The following ZKSCAN8 variants were observed in gnomAD, a reference collection of about 807,000 sequenced individuals.
ZKSCAN8 encodes the protein zinc finger with KRAB and SCAN domains 8.
ZKSCAN8 carries 27 observed loss-of-function variants against 57.2 expected under a neutral mutation model. The ratio of observed to expected loss-of-function variants is 0.47; its 90% CI spans 0.35 to 0.65. The LOEUF is 0.65. Among genes scored for constraint, ZKSCAN8 ranks in the 30% least tolerant of loss-of-function variants. The probability of loss-of-function intolerance (pLI) is 0.01; values close to 1 mark genes in which losing one functional copy is unlikely to be tolerated. For synonymous variants in ZKSCAN8, 214 were observed against 248.7 expected (o/e 0.86, Z 1.31); for missense variants, 597 against 696.3 (o/e 0.86, Z 1.60).
Position 28,154,208 on chromosome 6 carries a change from C to CT in ZKSCAN8, c.*192dup. The CT allele has an allele frequency of 1.4e-6, 1 of 719,000 alleles. No homozygotes were observed. The highest frequency in any genetic ancestry group is 2.2e-6 in the Non-Finnish European group (1 of 460,964). 44.5% of individuals were successfully genotyped at this position (719,000 alleles called of 1,614,324 possible). On this transcript the variant is annotated 3_prime_UTR_variant, in exon 6 of 6. Coordinates refer to ENST00000330236, the MANE Select transcript of ZKSCAN8 (RefSeq NM_006298.4). The stretch of plus-strand genomic sequence containing the variant: ...CCTTGGTGAAGGTTGATTAGCTTGA[C>CT]TGTCTTTGAAAGTATCTGATGGAGC...
chr6:28,150,502 T>TA (rs1380344177), intron 3 of ZKSCAN8, among the ~76,000 whole-genome samples: 1 of 152,184 alleles, frequency 6.6e-6, no homozygotes, highest in Non-Finnish European at 1.5e-5. Flanking sequence ...ATTGTATAGT[T>TA]ACTATTTTTC....
rs199801052 is a variant in ZKSCAN8, at chr6:28,151,908, C to G, written c.623C>G (p.Thr208Arg). The G allele has an allele frequency of 6.2e-7, 1 of 1,614,162 alleles. No homozygotes were observed. Among genetic ancestry groups the G allele is most frequent in the African/African-American group, 1.3e-5 (1 of 75,050 alleles). ...QKGSSGDQEM[T>R]ATLLTAGFQT... Reference sequence around the variant, plus strand: ...GGAAGTTCTGGAGACCAGGAAATGACAGCTACACTTCTCACAGCAGGGTTC... The same window carrying G: ...GGAAGTTCTGGAGACCAGGAAATGAGAGCTACACTTCTCACAGCAGGGTTC... The change falls in exon 4 of 6, where the codon ACA (threonine) becomes AGA (arginine). Residue 208 changes from threonine to arginine, a missense_variant. By Grantham distance (71) the Thr-to-Arg change is moderately conservative. Coordinates refer to ENST00000330236, the MANE Select transcript of ZKSCAN8 (RefSeq NM_006298.4).
chr6:28,143,013 T>C (rs1350362290), intron 1 of ZKSCAN8, among the ~76,000 whole-genome samples: 1 of 152,206 alleles, frequency 6.6e-6, no homozygotes, highest in Non-Finnish European at 1.5e-5. Context: ...GAAAAAATAA[T>C]ACTGTTAAAA....
chr6:28,153,013 T>A, intron 5 of ZKSCAN8, 43 bp from the exon 6 acceptor site: 2 of 1,601,644 alleles, frequency 1.2e-6, no homozygotes, highest in Non-Finnish European at 1.7e-6. Context: ...AAGAATAGGT[T>A]GTGACATTGG....
intron 1 of ZKSCAN8, among the ~76,000 whole-genome samples, chr6:28,147,850 T>G (rs1465444921): frequency 6.6e-6 from 1 of 152,212 alleles, no homozygotes; most frequent in Non-Finnish European, 1.5e-5. Context: ...AGCAAAGTGT[T>G]AGGAAAGTTT....
At chr6:28,145,064 A>C (rs9357064) in intron 1 of ZKSCAN8, among the ~76,000 whole-genome samples, 8,373 of 152,262 alleles carry the variant, frequency 0.055, 301 homozygotes, top group East Asian at 0.12. Context: ...CTCAAACAAA[A>C]AAAAAAAGAG....
In ZKSCAN8 at chr6:28,157,575, T is replaced by A. The variant is rs1765824348; in HGVS notation, c.*3558T>A. 6.6e-6 allele frequency: 1 copy of A among 152,124 alleles called. No homozygotes were observed. Among genetic ancestry groups the A allele is most frequent in the African/African-American group, 2.4e-5 (1 of 41,416 alleles). 9.4% of individuals were successfully genotyped at this position (152,124 alleles called of 1,614,324 possible). ...GTAATTCTAACCAGCTTTTTAAAAA[T>A]ATGTAGCGCTTGTCATGAGAGGTAC... On this transcript the variant is annotated 3_prime_UTR_variant, in exon 6 of 6. Coordinates refer to ENST00000330236, the MANE Select transcript of ZKSCAN8 (RefSeq NM_006298.4).
intron 1 of ZKSCAN8, 53 bp from the exon 2 acceptor site, chr6:28,148,263 T>C: frequency 2.5e-6 from 2 of 806,506 alleles, no homozygotes; most frequent in East Asian, 5.4e-5. Flanking sequence ...ATACCATAGT[T>C]AGTTACAATG....
At position 28,159,273 on chromosome 6, in the gene ZKSCAN8, A is replaced by G. The variant is rs945438381; in HGVS notation, c.*5256A>G. 4.6e-5 allele frequency: 7 copies of G among 152,314 alleles called. 1 individual carries two copies. Among genetic ancestry groups the G allele is most frequent in the Admixed American group, 4.6e-4 (7 of 15,290 alleles). 9.4% of individuals were successfully genotyped at this position (152,314 alleles called of 1,614,324 possible). ...TGTACTGTGGTCCATGTACTTACTAATATGTTGCTTTGTAATTATTTTCTA... is the reference window on the plus strand; with the variant it reads ...TGTACTGTGGTCCATGTACTTACTAGTATGTTGCTTTGTAATTATTTTCTA... On this transcript the variant is annotated 3_prime_UTR_variant, in exon 6 of 6. Transcript: ENST00000330236.
chr6:28,158,441 A>G lies in ZKSCAN8; in HGVS notation c.*4424A>G, dbSNP rs1057397096. The G allele has an allele frequency of 6.6e-6, 1 of 152,190 alleles. No homozygotes were observed. The highest frequency in any genetic ancestry group is 1.5e-5 in the Non-Finnish European group (1 of 68,030). 9.4% of individuals were successfully genotyped at this position (152,190 alleles called of 1,614,324 possible). On this transcript the variant is annotated 3_prime_UTR_variant, in exon 6 of 6. Transcript: ENST00000330236. ...CCTGTACAACTTGATATTTGAAAAC[A>G]GGATTCATCACCATATATCCCCAGC...
Position 28,153,141 on chromosome 6 carries a change from C to T in ZKSCAN8, c.861C>T (p.Ala287=), listed in dbSNP as rs766778874. 2 of 1,614,162 alleles carry T rather than the reference C, an allele frequency of 1.2e-6. No homozygotes were observed. Among genetic ancestry groups the T allele is most frequent in the East Asian group, 4.5e-5 (2 of 44,884 alleles). The change falls in exon 6 of 6, where the codon GCC becomes GCT. Residue 287 remains alanine (A), a synonymous_variant. Coordinates refer to ENST00000330236, the MANE Select transcript of ZKSCAN8 (RefSeq NM_006298.4). ...TCCAGCCACATGGAGAGACAGCTGC[C>T]AAATGCAACGGGGATGTTATCAGGG... ...TGIQPHGETA[A]KCNGDVIRGL...
intron 1 of ZKSCAN8, among the ~76,000 whole-genome samples, chr6:28,142,862 A>G (rs1406907218): frequency 1.3e-5 from 2 of 152,250 alleles, no homozygotes; most frequent in Non-Finnish European, 2.9e-5. Context: ...ATTTGAGATA[A>G]CAAAGCATAG....
intron 3 of ZKSCAN8, 86 bp downstream of exon 3, chr6:28,149,710 A>G: frequency 2.0e-6 from 3 of 1,506,856 alleles, no homozygotes; most frequent in Non-Finnish European, 2.7e-6. Flanking sequence ...CTGAAGAACC[A>G]GGAACTAAAA....
chr6:28,154,159 C>G lies in ZKSCAN8; in HGVS notation c.*142C>G, dbSNP rs1364419570. ...TATAGTGGTGGCAAAGTTAGGATAG[C>G]TCTTTAGTAATTTGGGCCCAGTGCC... On this transcript the variant is annotated 3_prime_UTR_variant, in exon 6 of 6. Coordinates refer to ENST00000330236, the MANE Select transcript of ZKSCAN8 (RefSeq NM_006298.4). The G allele has an allele frequency of 1.5e-5, 19 of 1,285,702 alleles. No individual in the cohort carries two copies. The highest frequency in any genetic ancestry group is 2.7e-4 in the Middle Eastern group (1 of 3,724). The allele number at this position is 1,285,702 out of a possible 1,614,324, so 79.6% of individuals were successfully genotyped here.
Position 28,153,694 on chromosome 6 carries a change from A to C in ZKSCAN8, c.1414A>C (p.Arg472=). The C allele has an allele frequency of 6.2e-7, 1 of 1,613,748 alleles. No homozygotes were observed. Among genetic ancestry groups the C allele is most frequent in the African/African-American group, 1.3e-5 (1 of 74,920 alleles). The part of the protein sequence containing the change: ...YECDECGKTF[R]RSSHLIGHQR... ...GTGTGATGAGTGTGGGAAAACCTTC[A>C]GGCGGAGCTCACATCTTATTGGTCA... is the stretch of plus-strand genomic sequence containing the variant. The change falls in exon 6 of 6, where the codon AGG becomes CGG. Residue 472 remains arginine (R), a synonymous_variant. Transcript: ENST00000330236.
rs1233589180 is a variant in ZKSCAN8, at chr6:28,152,381, C to T, written c.772C>T (p.Leu258=). 1 of 1,606,892 alleles carries T rather than the reference C, an allele frequency of 6.2e-7. No individual in the cohort carries two copies. The highest frequency in any genetic ancestry group is 1.3e-5 in the African/African-American group (1 of 74,386). Residue 258 remains leucine, a synonymous_variant, in exon 5 of 6, where the codon CTG becomes TTG. Coordinates refer to ENST00000330236, the MANE Select transcript of ZKSCAN8 (RefSeq NM_006298.4). ...RPENFRNMFS[L]GGETRSENRE... is the part of the protein sequence containing the mutation. ...AGAAAATTTCAGAAACATGTTCTCC[C>T]TGGGTAAGGAGAGGTGTGGTTATTA...
chr6:28,159,093 T>C lies in ZKSCAN8; in HGVS notation c.*5076T>C, dbSNP rs558291520. 30 of 152,372 alleles carry C rather than the reference T, an allele frequency of 2.0e-4. No individual in the cohort carries two copies. Among genetic ancestry groups the C allele is most frequent in the African/African-American group, 6.0e-4 (25 of 41,570 alleles). 9.4% of individuals were successfully genotyped at this position (152,372 alleles called of 1,614,324 possible). On this transcript the variant is annotated 3_prime_UTR_variant, in exon 6 of 6. Transcript: ENST00000330236. ...TCTGTGCCTTTCTCATGCTATTCTT[T>C]TTGCTTAGATTGCTCTTTGGTCCCA...
intron 5 of ZKSCAN8, among the ~76,000 whole-genome samples, chr6:28,152,709 C>T (rs1427691915): frequency 6.6e-6 from 1 of 152,178 alleles, no homozygotes; most frequent in African/African-American, 2.4e-5. Flanking sequence ...AATTGTATCT[C>T]CTCCCTTTTG....
intron 3 of ZKSCAN8, among the ~76,000 whole-genome samples, chr6:28,150,952 G>A (rs1418169183): frequency 6.6e-6 from 1 of 152,008 alleles, no homozygotes; most frequent in African/African-American, 2.4e-5. Context: ...GATTACAGGT[G>A]CACGCCACCA....
Sources: gnomAD v4.1 joint callset for allele counts (sites outside exome capture counted in the v4.1 genomes callset) on GRCh38, gnomAD v4.1.1 for gene constraint, MANE v1.5 for transcripts, NCBI Gene and HGNC (gene_info 2026-07-23, HGNC 2026-07-21) for gene names.